The following TRIM24 variants were observed in gnomAD, a reference collection of about 807,000 sequenced individuals.
The protein encoded by TRIM24 is tripartite motif containing 24, also known as transcription intermediary factor 1-alpha.
In TRIM24, 29 loss-of-function variants were observed where a neutral mutation model predicts 123.9. The observed-to-expected ratio is 0.23, with a 90% CI of 0.17 to 0.32. The LOEUF (loss-of-function observed/expected upper bound fraction) is 0.32, where lower values mean the gene tolerates loss of function less well. TRIM24 is among the 10% of genes least tolerant of loss of function. The pLI, the probability that TRIM24 is intolerant of heterozygous loss-of-function variation, is 1.00. For synonymous variants in TRIM24, 456 were observed against 461.1 expected (o/e 0.99, Z 0.14); for missense variants, 932 against 1,295.3 (o/e 0.72, Z 4.31).
intron 5 of TRIM24, among the ~76,000 whole-genome samples, chr7:138,528,837 A>G (rs910036919): frequency 5.7e-5 from 7 of 122,692 alleles, no homozygotes; most frequent in Admixed American, 3.5e-4. Context: ...TGTTCTCATA[A>G]TTTTTCCAAA....
Position 138,568,268 on chromosome 7 carries a change from C to T in TRIM24, c.1704+614C>T, listed in dbSNP as rs111979172. On this transcript the variant is annotated intron_variant, in intron 10 of 18. Transcript: ENST00000343526. ...CTGAGTAGCTGAGACTACAGGTACT[C>T]GCCACCACGCCCAGCTAATTTTTTT... is the stretch of plus-strand genomic sequence containing the variant. Among the ~76,000 whole-genome samples, 726 of 151,530 alleles carry T rather than the reference C, an allele frequency of 4.8e-3. 6 individuals carry two copies. Among genetic ancestry groups the T allele is most frequent in the African/African-American group, 0.016 (680 of 41,322 alleles).
chr7:138,528,520 CT>C (rs930121331), intron 5 of TRIM24, among the ~76,000 whole-genome samples: 3 of 150,824 alleles, frequency 2.0e-5, no homozygotes, highest in Non-Finnish European at 3.0e-5. Flanking sequence ...TTTTATTTTT[CT>C]TTTTTTTTCT....
intron 7 of TRIM24, among the ~76,000 whole-genome samples, chr7:138,539,683 T>A (rs879733858): frequency 2.0e-5 from 3 of 152,128 alleles, no homozygotes; most frequent in Non-Finnish European, 4.4e-5. Context: ...AGCCAAGCCA[T>A]ACAGTTTTTT....
rs1297937724 is a variant in TRIM24 at position 138,584,822 on chromosome 7, A to C, written c.3024A>C (p.Lys1008Asn). ...EELLKNLYPE[K>N]RFPKPEFRNE... ...TTCTAAAGAACCTCTATCCAGAAAA[A>C]AGGTTTCCCAAACCAGAATTCAGGA... The change falls in exon 19 of 19, where the codon AAA becomes AAC. Residue 1008 changes from lysine to asparagine, a missense_variant. By Grantham distance (94) the Lys-to-Asn change is moderately conservative (BLOSUM62 0). Around this residue, in one of 7 missense-constraint regions of TRIM24, gnomAD observed 104 missense variants for 121.5 expected, o/e 0.86. Transcript: ENST00000343526. 1 of 1,613,410 alleles carries C rather than the reference A, an allele frequency of 6.2e-7. No individual in the cohort carries two copies.
At chr7:138,477,964 T>C (rs1186045536) in intron 1 of TRIM24, among the ~76,000 whole-genome samples, 1 of 152,228 alleles carries the variant, frequency 6.6e-6, no homozygotes, top group Non-Finnish European at 1.5e-5. Context: ...TAGTGATAAA[T>C]ACTTAAAAAC....
intron 10 of TRIM24, among the ~76,000 whole-genome samples, chr7:138,569,632 T>C (rs1212098476): frequency 1.3e-5 from 2 of 152,152 alleles, no homozygotes; most frequent in Non-Finnish European, 2.9e-5. Flanking sequence ...AGGTGGGGAA[T>C]ATGAGGGAGG....
At chr7:138,508,407 T>C (rs1205514470) in intron 2 of TRIM24, among the ~76,000 whole-genome samples, 1 of 152,182 alleles carries the variant, frequency 6.6e-6, no homozygotes, top group Non-Finnish European at 1.5e-5. Context: ...CTGATGTTAA[T>C]GGCCATTAAT....
chr7:138,505,516 G>GTTGTTA (rs1297870433), intron 2 of TRIM24, among the ~76,000 whole-genome samples: 1 of 141,174 alleles, frequency 7.1e-6, no homozygotes, highest in African/African-American at 2.8e-5. Context: ...GGTGGTTGTT[G>GTTGTTA]TTGTTGTTGT....
Position 138,567,541 on chromosome 7 carries a change from C to A in TRIM24, c.1591C>A (p.Leu531Ile). ...CAGCCCCAAACCCAATGGACCAGTT[C>A]TTCCTCCTCATCCTCAACAACTGAG... ...NHSPKPNGPV[L>I]PPHPQQLRYP... Residue 531 changes from leucine (L) to isoleucine (I), a missense_variant, in exon 10 of 19, where the codon CTT becomes ATT. Physicochemically the swap from Leu to Ile is conservative, Grantham distance 5. Around this residue, in one of 7 missense-constraint regions of TRIM24, gnomAD observed 527 missense variants for 691.3 expected, o/e 0.76. Transcript: ENST00000343526. 1 of 1,613,986 alleles carries A rather than the reference C, an allele frequency of 6.2e-7. No individual in the cohort carries two copies. The highest frequency in any genetic ancestry group is 1.1e-5 in the South Asian group (1 of 91,066).
chr7:138,543,695 TCAAA>T (rs1280826630), intron 7 of TRIM24, among the ~76,000 whole-genome samples: 1 of 152,228 alleles, frequency 6.6e-6, no homozygotes, highest in East Asian at 1.9e-4. Context: ...ATTGTTTCAG[TCAAA>T]CAGATGAATA....
intron 1 of TRIM24, among the ~76,000 whole-genome samples, chr7:138,478,494 T>C (rs1385789831): frequency 6.6e-6 from 1 of 152,120 alleles, no homozygotes; most frequent in Non-Finnish European, 1.5e-5. Context: ...TATTTATTTT[T>C]GAGGCAGCAT....
At chr7:138,561,266 CA>C (rs1244647755) in intron 9 of TRIM24, among the ~76,000 whole-genome samples, 2 of 152,128 alleles carry the variant, frequency 1.3e-5, no homozygotes, top group African/African-American at 4.8e-5. Flanking sequence ...CCTTCCAATA[CA>C]AAATTGCTTC....
chr7:138,534,041 T>G (rs1194821245), intron 6 of TRIM24, among the ~76,000 whole-genome samples: 1 of 152,260 alleles, frequency 6.6e-6, no homozygotes, highest in African/African-American at 2.4e-5. Context: ...AGTTTGTATT[T>G]CTGTGGGATC....
intron 1 of TRIM24, among the ~76,000 whole-genome samples, chr7:138,503,049 TC>T (rs373420081): frequency 6.6e-6 from 1 of 152,178 alleles, no homozygotes; most frequent in East Asian, 1.9e-4. Context: ...CTAATTTCAT[TC>T]CCCACCCCCA....
chr7:138,461,094 C>A, intron 1 of TRIM24, 182 bp downstream of exon 1: 1 of 760,410 alleles, frequency 1.3e-6, no homozygotes. Context: ...CGGCGTGTCG[C>A]GCTCGGCCAG....
Position 138,589,947 on chromosome 7 carries a change from T to G in TRIM24, c.*4996T>G, listed in dbSNP as rs1160758158. On this transcript the variant is annotated 3_prime_UTR_variant, in exon 19 of 19. Coordinates refer to ENST00000343526, the MANE Select transcript of TRIM24 (RefSeq NM_015905.3). ...ATTTGAGTCCTAAAAAAATCTTTCCTTGTTAGTTGCAAGTTAAACATTTAA... is the reference window on the plus strand; with the variant it reads ...ATTTGAGTCCTAAAAAAATCTTTCCGTGTTAGTTGCAAGTTAAACATTTAA... The G allele has an allele frequency of 1.3e-5, 2 of 152,246 alleles. No individual in the cohort carries two copies. The highest frequency in any genetic ancestry group is 2.4e-5 in the African/African-American group (1 of 41,466). The allele number at this position is 152,246 out of a possible 1,614,324, so 9.4% of individuals were successfully genotyped here. A position where few individuals can be genotyped will look rare whatever the true frequency, so the allele number is the denominator to read the frequency against.
At chr7:138,472,466 G>T (rs1438803494) in intron 1 of TRIM24, among the ~76,000 whole-genome samples, 3 of 152,116 alleles carry the variant, frequency 2.0e-5, no homozygotes, top group Non-Finnish European at 4.4e-5. Context: ...TGGAATTTCT[G>T]TATTCTGAGC....
At chr7:138,569,864 T>C (rs914261867) in intron 10 of TRIM24, among the ~76,000 whole-genome samples, 57 of 152,110 alleles carry the variant, frequency 3.7e-4, no homozygotes, top group Admixed American at 2.3e-3. Flanking sequence ...TAATAAAAAT[T>C]GAAAGAATTA....
chr7:138,464,138 G>C (rs1157199081), intron 1 of TRIM24, among the ~76,000 whole-genome samples: 3 of 151,400 alleles, frequency 2.0e-5, no homozygotes, highest in Admixed American at 2.0e-4. Flanking sequence ...GGGACTACAG[G>C]AACATGCCAC....
Sources: gnomAD v4.1 joint callset for allele counts (sites outside exome capture counted in the v4.1 genomes callset) on GRCh38, gnomAD v4.1.1 for gene constraint, gnomAD v4.1.1 regional missense constraint, MANE v1.5 for transcripts, NCBI Gene and HGNC (gene_info 2026-07-23, HGNC 2026-07-21) for gene names.